LGR6: variants seen among roughly 807,000 people sequenced by gnomAD.
LGR6 encodes the protein leucine rich repeat containing G protein-coupled receptor 6, also known as leucine-rich repeat-containing G protein-coupled receptor 6.
Under a neutral mutation model 69.4 loss-of-function variants are expected in LGR6, and 45 were observed. The observed-to-expected ratio is 0.65, with a 90% CI of 0.51 to 0.83. The LOEUF (loss-of-function observed/expected upper bound fraction) is 0.83. Among genes scored for constraint, LGR6 ranks in the 40% least tolerant of loss-of-function variants. The pLI is 0.00. For synonymous variants in LGR6, 538 were observed against 555.0 expected (o/e 0.97, Z 0.43); for missense variants, 1,108 against 1,246.7 (o/e 0.89, Z 1.68).
chr1:202,302,179 G>T (rs1278877071), intron 9 of LGR6, among the ~76,000 whole-genome samples: 2 of 152,198 alleles, frequency 1.3e-5, no homozygotes, highest in Non-Finnish European at 2.9e-5. Flanking sequence ...TCCATGGATT[G>T]CTGTCAGCCT....
intron 4 of LGR6, among the ~76,000 whole-genome samples, chr1:202,262,935 CTTTTATTTTATTTTATTTTA>C (rs58749601): frequency 1.6e-4 from 23 of 146,950 alleles, no homozygotes; most frequent in Admixed American, 6.8e-4. Flanking sequence ...TGAAACTTGC[CTTTTATTTTATTTTATTTTA>C]TTTTATTTTA....
chr1:202,266,119 A>G (rs867701542), intron 4 of LGR6, among the ~76,000 whole-genome samples: 1 of 152,034 alleles, frequency 6.6e-6, no homozygotes, highest in Non-Finnish European at 1.5e-5. Flanking sequence ...AAAAAAAAAA[A>G]AAATAACAGG....
chr1:202,193,861 GC>G lies in LGR6; in HGVS notation c.-126del. 2.4e-6 allele frequency: 1 copy of G among 412,442 alleles called. No homozygotes were observed. Among genetic ancestry groups the G allele is most frequent in the Non-Finnish European group, 3.8e-6 (1 of 263,086 alleles). 25.5% of individuals were successfully genotyped at this position (412,442 alleles called of 1,614,324 possible). Reference sequence around the variant, plus strand: ...CGGCGCTCCCACCGCCGCCGCCGCCGCCCAATAGAGCCCCTGGGGCGGTCCC... The same window carrying G: ...CGGCGCTCCCACCGCCGCCGCCGCCGCCAATAGAGCCCCTGGGGCGGTCCC... On this transcript the variant is annotated 5_prime_UTR_variant, in exon 1 of 18. Transcript: ENST00000367278.
intron 5 of LGR6, among the ~76,000 whole-genome samples, chr1:202,277,881 AGAT>A (rs1558057299): frequency 6.6e-6 from 1 of 151,726 alleles, no homozygotes; most frequent in Non-Finnish European, 1.5e-5. Context: ...GGGCCTGGAA[AGAT>A]GATGAAATGA....
At chr1:202,254,780 G>A (rs903525250) in intron 4 of LGR6, among the ~76,000 whole-genome samples, 2 of 152,104 alleles carry the variant, frequency 1.3e-5, no homozygotes, top group African/African-American at 4.8e-5. Context: ...ACTGGTGGAC[G>A]CTGAATGAGG....
chr1:202,291,905 A>G (rs950415105), intron 6 of LGR6, among the ~76,000 whole-genome samples: 5 of 152,210 alleles, frequency 3.3e-5, no homozygotes, highest in Admixed American at 1.3e-4. Flanking sequence ...GAGGACGAAA[A>G]TCCCAGAAAA....
At chr1:202,213,202 GC>G (rs1207773537) in intron 1 of LGR6, among the ~76,000 whole-genome samples, 1 of 152,252 alleles carries the variant, frequency 6.6e-6, no homozygotes, top group East Asian at 1.9e-4. Flanking sequence ...AGGGCATCAT[GC>G]CCAGTAACAG....
rs564866934 is a variant in LGR6 at position 202,242,793 on chromosome 1, G to A, written c.428+6800G>A. On this transcript the variant is annotated intron_variant, in intron 4 of 17. Transcript: ENST00000367278. ...GAGAACCAAAAGCAAGGGACCTCTG[G>A]ACAAGCCCCCCTCATCTCATGCCTC... Among the ~76,000 whole-genome samples the A allele has an allele frequency of 2.6e-5, 4 of 152,246 alleles. No individual in the cohort carries two copies. In the East Asian group the frequency reaches 7.7e-4, roughly 29 times the overall value.
At chr1:202,294,710 T>G (rs1039662246) in intron 6 of LGR6, among the ~76,000 whole-genome samples, 4 of 152,214 alleles carry the variant, frequency 2.6e-5, no homozygotes, top group African/African-American at 9.6e-5. Context: ...TCACTTCCAT[T>G]TCATTCTGTT....
At chr1:202,202,314 CAA>C (rs1271839401) in intron 1 of LGR6, among the ~76,000 whole-genome samples, 1 of 152,162 alleles carries the variant, frequency 6.6e-6, no homozygotes, top group Non-Finnish European at 1.5e-5. Flanking sequence ...CACACATACA[CAA>C]ACACACAAAC....
chr1:202,258,292 A>T (rs1663950493), intron 4 of LGR6, among the ~76,000 whole-genome samples: 1 of 151,986 alleles, frequency 6.6e-6, no homozygotes, highest in Non-Finnish European at 1.5e-5. Flanking sequence ...TCTATTTATT[A>T]TATGACATGA....
chr1:202,275,847 C>T (rs934968608), intron 4 of LGR6, among the ~76,000 whole-genome samples: 2 of 152,172 alleles, frequency 1.3e-5, no homozygotes, highest in African/African-American at 4.8e-5. Flanking sequence ...ACTCAGAGAG[C>T]AAGGGTAATA....
intron 6 of LGR6, among the ~76,000 whole-genome samples, chr1:202,286,820 G>A (rs895515356): frequency 3.3e-5 from 5 of 152,044 alleles, no homozygotes; most frequent in African/African-American, 4.8e-5. Context: ...TTTGTGTTGC[G>A]TTCTGTGACC....
chr1:202,218,030 G>C (rs887113215), intron 1 of LGR6, among the ~76,000 whole-genome samples: 1 of 152,214 alleles, frequency 6.6e-6, no homozygotes, highest in Non-Finnish European at 1.5e-5. Flanking sequence ...ATGATAGCTA[G>C]TATTCAAGTC....
At chr1:202,301,088 GA>G in intron 8 of LGR6, 75 bp from the exon 9 acceptor site, 1 of 1,443,582 alleles carries the variant, frequency 6.9e-7, no homozygotes, top group South Asian at 1.2e-5. Context: ...GATAGGAGAA[GA>G]AAGCAGAGAT....
At chr1:202,228,647 C>T (rs1361268216) in intron 3 of LGR6, among the ~76,000 whole-genome samples, 1 of 152,276 alleles carries the variant, frequency 6.6e-6, no homozygotes, top group East Asian at 1.9e-4. Flanking sequence ...GACACAATCT[C>T]CTCAACTCAT....
chr1:202,250,096 C>T (rs916940414), intron 4 of LGR6, among the ~76,000 whole-genome samples: 5 of 152,226 alleles, frequency 3.3e-5, no homozygotes, highest in Non-Finnish European at 1.5e-5. Context: ...CTTGGGCGTG[C>T]AGCCTGTGCT....
intron 7 of LGR6, among the ~76,000 whole-genome samples, chr1:202,299,173 T>C (rs1404301461): frequency 2.0e-5 from 3 of 151,644 alleles, no homozygotes; most frequent in Non-Finnish European, 4.4e-5. Context: ...GGCATGAGAA[T>C]TACTTGTACC....
chr1:202,270,956 A>C (rs1361573492), intron 4 of LGR6, among the ~76,000 whole-genome samples: 1 of 152,116 alleles, frequency 6.6e-6, no homozygotes, highest in Non-Finnish European at 1.5e-5. Context: ...CGACAGGTTA[A>C]GCTGTTTCCC....
Sources: gnomAD v4.1 joint callset for allele counts (sites outside exome capture counted in the v4.1 genomes callset) on GRCh38, gnomAD v4.1.1 for gene constraint, MANE v1.5 for transcripts, NCBI Gene and HGNC (gene_info 2026-07-23, HGNC 2026-07-21) for gene names.